The following ANK2 variants were observed in gnomAD, a reference collection of about 807,000 sequenced individuals.
ANK2 encodes the protein ankyrin-2.
ANK2 carries 83 observed loss-of-function variants against 360.5 expected under a neutral mutation model. That is an observed-to-expected ratio of 0.23 (90% confidence interval 0.19 to 0.28). The LOEUF is 0.28. Ranked by LOEUF, ANK2 falls within the 10% of genes least tolerant of loss-of-function variation. The pLI, the probability that ANK2 is intolerant of heterozygous loss-of-function variation, is 1.00. For missense variants in ANK2, 4,201 were observed against 4,795.7 expected, an observed-to-expected ratio of 0.88 and a Z score of 3.66; for synonymous variants, 1,740 against 1,759.5, an observed-to-expected ratio of 0.99 and a Z score of 0.28.
At chr4:112,870,512 C>CT (rs1375601741) in intron 1 of ANK2, among the ~76,000 whole-genome samples, 1 of 152,140 alleles carries the variant, frequency 6.6e-6, no homozygotes, top group African/African-American at 2.4e-5. Context: ...TCCAAATTCA[C>CT]TTTTTTGCAT....
intron 1 of ANK2, among the ~76,000 whole-genome samples, chr4:113,169,158 C>A (rs1179178193): frequency 6.6e-6 from 1 of 152,166 alleles, no homozygotes; most frequent in East Asian, 1.9e-4. Flanking sequence ...GTCCTCTGTG[C>A]CTGTCAGTGG....
chr4:113,368,650 G>A (rs183389537), intron 42 of ANK2, among the ~76,000 whole-genome samples: 47 of 152,308 alleles, frequency 3.1e-4, no homozygotes, highest in African/African-American at 1.1e-3. Flanking sequence ...AGAATAGGGT[G>A]TCATGAGATT....
intron 2 of ANK2, among the ~76,000 whole-genome samples, chr4:112,965,182 A>T (rs898799851): frequency 1.3e-5 from 2 of 152,114 alleles, no homozygotes; most frequent in Admixed American, 1.3e-4. Flanking sequence ...TCTCTTTTGG[A>T]TAAAAACCAT....
At chr4:113,253,015 T>G (rs925122302) in intron 10 of ANK2, among the ~76,000 whole-genome samples, 4 of 152,188 alleles carry the variant, frequency 2.6e-5, no homozygotes, top group Non-Finnish European at 5.9e-5. Flanking sequence ...TTGTCTTCAT[T>G]TCCCATAACA....
chr4:112,981,775 A>C (rs2043186051), intron 2 of ANK2, among the ~76,000 whole-genome samples: 1 of 152,194 alleles, frequency 6.6e-6, no homozygotes, highest in African/African-American at 2.4e-5. Flanking sequence ...TAAAGAAAGG[A>C]AGTTTGGGCT....
chr4:113,113,607 A>T (rs1235390430), intron 1 of ANK2, among the ~76,000 whole-genome samples: 1 of 152,214 alleles, frequency 6.6e-6, no homozygotes, highest in Admixed American at 6.5e-5. Context: ...ATTGATGGTC[A>T]TGATGCTTTG....
chr4:113,334,949 C>G (rs1261132587), intron 29 of ANK2, among the ~76,000 whole-genome samples: 2 of 151,914 alleles, frequency 1.3e-5, no homozygotes, highest in East Asian at 3.9e-4. Context: ...CATGTGGAAT[C>G]AGATCCTGGG....
chr4:113,012,974 G>A (rs1030553206), intron 2 of ANK2, among the ~76,000 whole-genome samples: 3 of 152,150 alleles, frequency 2.0e-5, no homozygotes, highest in African/African-American at 7.2e-5. Context: ...GGCTTTGTGG[G>A]CGTGAGTTGT....
At chr4:112,937,617 C>T (rs185841815) in intron 2 of ANK2, among the ~76,000 whole-genome samples, 7 of 152,200 alleles carry the variant, frequency 4.6e-5, no homozygotes, top group Non-Finnish European at 8.8e-5. Context: ...CGTGAGCCAC[C>T]GCGCCCGGCC....
At chr4:112,810,614 C>G in the ANK2 span, among the ~76,000 whole-genome samples, 1 of 152,052 alleles carries the variant, frequency 6.6e-6, no homozygotes, top group Non-Finnish European at 1.5e-5. Context: ...TGCAATGGTG[C>G]AATCTCAGCT....
At chr4:112,741,971 ACAGGT>A in the ANK2 span, among the ~76,000 whole-genome samples, 5 of 152,136 alleles carry the variant, frequency 3.3e-5, no homozygotes, top group Admixed American at 2.0e-4. Flanking sequence ...CTTTATTTGA[ACAGGT>A]TACTGTTTAG....
At chr4:112,893,988 C>T in intron 1 of ANK2, among the ~76,000 whole-genome samples, 1 of 152,158 alleles carries the variant, frequency 6.6e-6, no homozygotes, top group Non-Finnish European at 1.5e-5. Context: ...CGGAGCAACA[C>T]TCCGTTTCAA....
At chr4:112,995,458 T>C (rs950982775) in intron 2 of ANK2, among the ~76,000 whole-genome samples, 1 of 152,134 alleles carries the variant, frequency 6.6e-6, no homozygotes, top group Non-Finnish European at 1.5e-5. Context: ...ATTTGTTTTT[T>C]GTGTGTTTAA....
At chr4:113,320,571 T>C (rs574141628) in intron 26 of ANK2, among the ~76,000 whole-genome samples, 21 of 152,102 alleles carry the variant, frequency 1.4e-4, no homozygotes, top group Non-Finnish European at 2.4e-4. Flanking sequence ...AGAAGAATCA[T>C]TTGAACCCGG....
In ANK2 at chr4:113,232,151, T is replaced by G; in HGVS notation, c.385-10T>G. The G allele has an allele frequency of 6.5e-7, 1 of 1,548,858 alleles. No homozygotes were observed. The highest frequency in any genetic ancestry group is 8.9e-7 in the Non-Finnish European group (1 of 1,120,806). On this transcript the variant is annotated splice_polypyrimidine_tract_variant and intron_variant, in intron 4 of 45. Transcript: ENST00000357077. ...GATTGAAGGTGTCTTTTTTTATTGCTTGTCCTCAGAATGGCTTTACTCCTT... is the reference window on the plus strand; with the variant it reads ...GATTGAAGGTGTCTTTTTTTATTGCGTGTCCTCAGAATGGCTTTACTCCTT...
intron 1 of ANK2, among the ~76,000 whole-genome samples, chr4:113,093,987 G>A (rs1420348858): frequency 6.6e-6 from 1 of 152,314 alleles, no homozygotes; most frequent in East Asian, 1.9e-4. Context: ...AACTTGGCCA[G>A]TGTTTATATT....
chr4:112,764,811 G>A, the ANK2 span, among the ~76,000 whole-genome samples: 6 of 150,902 alleles, frequency 4.0e-5, no homozygotes, highest in African/African-American at 1.2e-4. Flanking sequence ...GGGTTCAAGC[G>A]ATTCTCCTGC....
chr4:112,824,154 T>C (rs2057843165), intron 1 of ANK2, among the ~76,000 whole-genome samples: 1 of 151,770 alleles, frequency 6.6e-6, no homozygotes, highest in African/African-American at 2.4e-5. Context: ...TATCTATCTA[T>C]CTATCTATCT....
At chr4:113,180,390 T>G (rs2098377393) in intron 2 of ANK2, among the ~76,000 whole-genome samples, 1 of 152,210 alleles carries the variant, frequency 6.6e-6, no homozygotes, top group Non-Finnish European at 1.5e-5. Context: ...GAGCAAGTAC[T>G]CAATAAATAC....
Sources: gnomAD v4.1 joint callset for allele counts (sites outside exome capture counted in the v4.1 genomes callset) on GRCh38, gnomAD v4.1.1 for gene constraint, MANE v1.5 for transcripts, NCBI Gene and HGNC (gene_info 2026-07-23, HGNC 2026-07-21) for gene names.